The following FOXP1 variants were observed in gnomAD, a reference collection of about 807,000 sequenced individuals.
FOXP1 encodes forkhead box protein P1.
Under a neutral mutation model 98.2 loss-of-function variants are expected in FOXP1, and 15 were observed. That is an observed-to-expected ratio of 0.15 (90% CI 0.10 to 0.24). The LOEUF (loss-of-function observed/expected upper bound fraction) is 0.24. Among genes scored for constraint, FOXP1 ranks in the 10% least tolerant of loss-of-function variants. The pLI is 1.00. For synonymous variants in FOXP1, 371 were observed against 314.5 expected, an observed-to-expected ratio of 1.18 and a Z score of -1.90; for missense variants, 633 against 848.5, an observed-to-expected ratio of 0.75 and a Z score of 3.15.
chr3:71,024,852 C>T (rs1362484626), intron 11 of FOXP1, among the ~76,000 whole-genome samples: 1 of 152,166 alleles, frequency 6.6e-6, no homozygotes, highest in African/African-American at 2.4e-5. Flanking sequence ...CCATTTATGT[C>T]CAGACTTAGT....
At chr3:71,286,522 A>T (rs774716529) in intron 5 of FOXP1, among the ~76,000 whole-genome samples, 2 of 152,210 alleles carry the variant, frequency 1.3e-5, no homozygotes, top group Non-Finnish European at 2.9e-5. Context: ...ATTTGCAACT[A>T]TAAACAAATT....
chr3:71,049,457 C>T (rs2049531715), intron 9 of FOXP1, among the ~76,000 whole-genome samples: 1 of 152,086 alleles, frequency 6.6e-6, no homozygotes, highest in Admixed American at 6.6e-5. Flanking sequence ...CCTCCCCTAC[C>T]TAAGAGCACG....
chr3:71,064,120 G>A (rs1319737587), intron 7 of FOXP1, among the ~76,000 whole-genome samples: 3 of 152,152 alleles, frequency 2.0e-5, no homozygotes, highest in Admixed American at 6.5e-5. Flanking sequence ...TGCAACAGAG[G>A]CTTAGAATCC....
intron 4 of FOXP1, among the ~76,000 whole-genome samples, chr3:71,347,660 TG>T (rs1249683106): frequency 6.6e-6 from 1 of 151,970 alleles, no homozygotes; most frequent in Non-Finnish European, 1.5e-5. Context: ...CCGAGGTGGG[TG>T]GATCACCTGA....
chr3:70,986,482 A>G (rs1044281196), intron 14 of FOXP1, among the ~76,000 whole-genome samples: 5 of 152,238 alleles, frequency 3.3e-5, no homozygotes, highest in Non-Finnish European at 7.3e-5. Context: ...GAACCCTTCA[A>G]TCTGGGAAAA....
intron 3 of FOXP1, among the ~76,000 whole-genome samples, chr3:71,438,840 G>A (rs1217924136): frequency 6.6e-6 from 1 of 151,862 alleles, no homozygotes; most frequent in Non-Finnish European, 1.5e-5. Flanking sequence ...ATGCAGAACC[G>A]GAATATAAAG....
At chr3:71,115,317 T>TTTTTTTTATTTATTTATTTA (rs2058282183) in intron 6 of FOXP1, among the ~76,000 whole-genome samples, 1 of 144,124 alleles carries the variant, frequency 6.9e-6, no homozygotes, top group East Asian at 2.0e-4. Context: ...ATTATTATTA[T>TTTTTTTTATTTATTTATTTA]TTTATTTATT....
chr3:71,488,193 A>G (rs2090804108), intron 3 of FOXP1, among the ~76,000 whole-genome samples: 1 of 152,234 alleles, frequency 6.6e-6, no homozygotes, highest in Non-Finnish European at 1.5e-5. Flanking sequence ...TCTCACATAA[A>G]CTGTCACCTC....
intron 5 of FOXP1, among the ~76,000 whole-genome samples, chr3:71,264,780 C>T (rs2069482934): frequency 6.6e-6 from 1 of 152,164 alleles, no homozygotes; most frequent in South Asian, 2.1e-4. Context: ...TGGGTACTCC[C>T]ATCAATATGA....
intron 19 of FOXP1, chr3:70,969,632 T>G (rs1158398206): frequency 6.6e-6 from 1 of 152,260 alleles, no homozygotes; most frequent in Non-Finnish European, 1.5e-5. Flanking sequence ...CTCAACTGTT[T>G]TTTCATTATT....
chr3:71,203,772 G>A lies in FOXP1; in HGVS notation c.-11-5380C>T, dbSNP rs1179332573. Among the ~76,000 whole-genome samples the A allele has an allele frequency of 2.6e-5, 4 of 152,132 alleles. No individual in the cohort carries two copies. In the East Asian group the frequency reaches 7.7e-4, roughly 29 times the overall value. On this transcript the variant is annotated intron_variant, in intron 5 of 20. Coordinates refer to ENST00000649528, the MANE Select transcript of FOXP1 (RefSeq NM_001349338.3). The stretch of plus-strand genomic sequence containing the variant: ...TGTTTCTATTTCTATGGGGAGAAGA[G>A]AAGTTAATGGTGAAATCACTATTAG...
At chr3:71,269,805 T>C (rs922767623) in intron 5 of FOXP1, among the ~76,000 whole-genome samples, 1 of 152,210 alleles carries the variant, frequency 6.6e-6, no homozygotes, top group African/African-American at 2.4e-5. Flanking sequence ...AAATAAACAA[T>C]AAATGTTCCT....
chr3:71,292,204 C>A (rs1046101468), intron 5 of FOXP1, among the ~76,000 whole-genome samples: 3 of 152,146 alleles, frequency 2.0e-5, no homozygotes, highest in African/African-American at 7.2e-5. Context: ...AACAGACCAA[C>A]CTCCAGAAAA....
intron 5 of FOXP1, among the ~76,000 whole-genome samples, chr3:71,199,697 G>A (rs1322868346): frequency 6.6e-5 from 10 of 151,836 alleles, no homozygotes; most frequent in Non-Finnish European, 1.5e-4. Flanking sequence ...CCAAGATCAC[G>A]CCATTGTACT....
chr3:71,282,044 G>A (rs2071627951), intron 5 of FOXP1, among the ~76,000 whole-genome samples: 2 of 152,008 alleles, frequency 1.3e-5, no homozygotes, highest in African/African-American at 2.4e-5. Context: ...AGGAGGCGGA[G>A]GGTGCAGTGA....
intron 2 of FOXP1, among the ~76,000 whole-genome samples, chr3:71,550,005 C>A (rs925126461): frequency 6.6e-6 from 1 of 150,652 alleles, no homozygotes; most frequent in African/African-American, 2.4e-5. Context: ...ATTTTTAAAA[C>A]TATAACTACA....
intron 7 of FOXP1, among the ~76,000 whole-genome samples, chr3:71,074,162 C>T (rs566337308): frequency 3.3e-5 from 5 of 152,232 alleles, no homozygotes; most frequent in East Asian, 1.9e-4. Flanking sequence ...TCCAAACAAC[C>T]GGATGAAGTA....
At chr3:70,986,325 C>G (rs922909217) in intron 14 of FOXP1, among the ~76,000 whole-genome samples, 4 of 152,196 alleles carry the variant, frequency 2.6e-5, no homozygotes, top group African/African-American at 9.7e-5. Flanking sequence ...AGTTCCTTAT[C>G]TTTAATTGTA....
intron 19 of FOXP1, among the ~76,000 whole-genome samples, chr3:70,967,324 C>G (rs1281840600): frequency 6.6e-6 from 1 of 152,174 alleles, no homozygotes; most frequent in Non-Finnish European, 1.5e-5. Flanking sequence ...AAAGCCAGGG[C>G]TTTCTAGGTA....
Sources: gnomAD v4.1 joint callset for allele counts (sites outside exome capture counted in the v4.1 genomes callset) on GRCh38, gnomAD v4.1.1 for gene constraint, MANE v1.5 for transcripts, NCBI Gene and HGNC (gene_info 2026-07-23, HGNC 2026-07-21) for gene names.